Variants in VPS13B observed in about 807,000 individuals in gnomAD.
VPS13B encodes the protein intermembrane lipid transfer protein VPS13B.
Under a neutral mutation model 426.4 loss-of-function variants are expected in VPS13B, and 285 were observed. The observed-to-expected ratio is 0.67, with a 90% CI of 0.61 to 0.74. VPS13B has a LOEUF of 0.74. Ranked by LOEUF, VPS13B falls within the 30% of genes least tolerant of loss-of-function variation. The pLI is 0.00. For missense variants in VPS13B, 4,537 were observed against 4,782.6 expected (o/e 0.95, Z 1.51); for synonymous variants, 1,676 against 1,676.4 (o/e 1.00, Z 0.01).
rs973453079 is a variant in VPS13B at position 99,669,135 on chromosome 8, C to T, written c.6046+7644C>T. 2.0e-5 allele frequency among the ~76,000 whole-genome samples: 3 copies of T among 152,274 alleles called. No homozygotes were observed. The South Asian group carries it at 6.2e-4, about 32-fold the overall frequency. ...ATACGTCTTATATTGAAAAATCAAT[C>T]ATACTTCTTGCAAATTCAAATTCAT... On this transcript the variant is annotated intron_variant, in intron 35 of 61. Coordinates refer to ENST00000357162, the MANE Select transcript of VPS13B (RefSeq NM_152564.5).
Position 99,171,695 on chromosome 8 carries a change from T to C in VPS13B, c.2333+1532T>C, listed in dbSNP as rs555020434. On this transcript the variant is annotated intron_variant, in intron 16 of 61. Coordinates refer to ENST00000357162, the MANE Select transcript of VPS13B (RefSeq NM_152564.5). ...TGGATGTGTTTTGCTTTTTTGTAGT[T>C]AAGACTACTTCTGTGTTATTTCAGT... is the stretch of plus-strand genomic sequence containing the variant. 4.6e-5 allele frequency among the ~76,000 whole-genome samples: 7 copies of C among 152,204 alleles called. No homozygotes were observed. The East Asian group carries it at 1.3e-3, about 29-fold the overall frequency.
intron 35 of VPS13B, among the ~76,000 whole-genome samples, chr8:99,665,553 C>T (rs1830451255): frequency 6.6e-6 from 1 of 152,156 alleles, no homozygotes; most frequent in African/African-American, 2.4e-5. Context: ...CCAGTTTTCC[C>T]AGCACCATTT....
At chr8:99,465,722 G>T (rs1307073149) in intron 23 of VPS13B, among the ~76,000 whole-genome samples, 1 of 151,982 alleles carries the variant, frequency 6.6e-6, no homozygotes, top group African/African-American at 2.4e-5. Context: ...TTTGATGTAG[G>T]TTTTAAAATA....
At chr8:99,861,231 T>C (rs1816816285) in intron 57 of VPS13B, among the ~76,000 whole-genome samples, 1 of 152,254 alleles carries the variant, frequency 6.6e-6, no homozygotes, top group Non-Finnish European at 1.5e-5. Context: ...CCTGCGATTC[T>C]TACCCTTTGA....
intron 43 of VPS13B, among the ~76,000 whole-genome samples, chr8:99,805,303 GA>G (rs1813342490): frequency 6.6e-6 from 1 of 151,050 alleles, no homozygotes. Flanking sequence ...TATTGAAGTA[GA>G]AAAAATCTTG....
chr8:99,291,553 C>G (rs1418206538), intron 19 of VPS13B, among the ~76,000 whole-genome samples: 1 of 152,086 alleles, frequency 6.6e-6, no homozygotes, highest in Non-Finnish European at 1.5e-5. Context: ...GAAAGTTACT[C>G]AGTACAGGGC....
chr8:99,662,401 G>A (rs1465747451), intron 35 of VPS13B, among the ~76,000 whole-genome samples: 3 of 151,630 alleles, frequency 2.0e-5, no homozygotes, highest in Non-Finnish European at 4.4e-5. Context: ...TGTTACCCAT[G>A]GAATGAGTAT....
intron 40 of VPS13B, 21 bp downstream of exon 40, chr8:99,766,991 A>G: frequency 6.2e-7 from 1 of 1,609,498 alleles, no homozygotes; most frequent in African/African-American, 1.3e-5. Context: ...GAAAGATGAT[A>G]TGGTAGCATT....
chr8:99,262,668 C>A (rs1301695448), intron 17 of VPS13B, among the ~76,000 whole-genome samples: 2 of 152,152 alleles, frequency 1.3e-5, no homozygotes, highest in Middle Eastern at 3.2e-3. Flanking sequence ...TAATTTACCT[C>A]TTTTCTCTTT....
chr8:99,168,901 T>C (rs547575802), intron 15 of VPS13B, among the ~76,000 whole-genome samples: 2 of 152,138 alleles, frequency 1.3e-5, no homozygotes, highest in African/African-American at 4.8e-5. Context: ...TCTAAAACAT[T>C]GTTTTGTTCA....
chr8:99,496,633 A>G (rs977996402), intron 25 of VPS13B, among the ~76,000 whole-genome samples: 2 of 151,962 alleles, frequency 1.3e-5, no homozygotes, highest in African/African-American at 4.8e-5. Context: ...CCTGGGCGAC[A>G]CAGCAAGACT....
chr8:99,420,626 T>C (rs958733555), intron 21 of VPS13B, among the ~76,000 whole-genome samples: 2 of 152,176 alleles, frequency 1.3e-5, no homozygotes, highest in Non-Finnish European at 2.9e-5. Flanking sequence ...ATAAAGAGAA[T>C]GTGTCTTCAG....
At chr8:99,083,052 C>A (rs1446503236) in intron 3 of VPS13B, among the ~76,000 whole-genome samples, 1 of 152,102 alleles carries the variant, frequency 6.6e-6, no homozygotes, top group Non-Finnish European at 1.5e-5. Context: ...TTACCTTGGG[C>A]AGTATGGCCA....
chr8:99,402,368 GT>G (rs1257012310), intron 21 of VPS13B, among the ~76,000 whole-genome samples: 1 of 152,136 alleles, frequency 6.6e-6, no homozygotes, highest in Admixed American at 6.5e-5. Flanking sequence ...CTCTCTCTGG[GT>G]TTTATATTCC....
At chr8:99,163,173 G>T (rs1053843009) in intron 15 of VPS13B, among the ~76,000 whole-genome samples, 2 of 152,030 alleles carry the variant, frequency 1.3e-5, no homozygotes, top group Admixed American at 6.6e-5. Flanking sequence ...TAGACATAAA[G>T]GTTCTCCAAG....
intron 19 of VPS13B, among the ~76,000 whole-genome samples, chr8:99,372,580 C>T (rs1813253532): frequency 6.6e-6 from 1 of 152,138 alleles, no homozygotes; most frequent in Non-Finnish European, 1.5e-5. Context: ...TCATCATTGG[C>T]CATTAGAGAA....
At chr8:99,735,207 A>G (rs1833773625) in intron 39 of VPS13B, among the ~76,000 whole-genome samples, 1 of 152,216 alleles carries the variant, frequency 6.6e-6, no homozygotes, top group East Asian at 1.9e-4. Context: ...TAGAACCATG[A>G]AAAAACTCAT....
intron 19 of VPS13B, among the ~76,000 whole-genome samples, chr8:99,339,927 T>G (rs746087843): frequency 6.6e-5 from 10 of 152,176 alleles, no homozygotes; most frequent in Non-Finnish European, 1.5e-4. Flanking sequence ...AAAATTTTTG[T>G]TTAATGCCAA....
intron 3 of VPS13B, among the ~76,000 whole-genome samples, chr8:99,073,911 CAGG>C (rs887654674): frequency 2.0e-5 from 3 of 151,982 alleles, no homozygotes; most frequent in African/African-American, 7.3e-5. Flanking sequence ...GCTGGGACCA[CAGG>C]TGTGTGCCAC....
Sources: allele counts gnomAD v4.1 joint callset (sites outside exome capture counted in the v4.1 genomes callset), GRCh38; gene constraint gnomAD v4.1.1; transcripts MANE v1.5; gene names NCBI Gene and HGNC (gene_info 2026-07-23, HGNC 2026-07-21).